Variants in DNAAF10 observed in about 807,000 individuals in gnomAD.
DNAAF10 encodes dynein axonemal assembly factor 10, also known as WD repeat domain 92.
In DNAAF10, 28 loss-of-function variants were observed where a neutral mutation model predicts 43.7. That is an observed-to-expected ratio of 0.64 (90% CI 0.48 to 0.88). The LOEUF is 0.88. Among genes scored for constraint, DNAAF10 ranks in the 40% least tolerant of loss-of-function variants. The probability of loss-of-function intolerance (pLI) is 0.00; values close to 1 mark genes in which losing one functional copy is unlikely to be tolerated. For synonymous variants in DNAAF10, 156 were observed against 157.3 expected (o/e 0.99, Z 0.06); for missense variants, 403 against 439.1 (o/e 0.92, Z 0.73).
Position 68,157,472 on chromosome 2 carries a change from G to A in DNAAF10, c.-29C>T, listed in dbSNP as rs747352739. On this transcript the variant is annotated 5_prime_UTR_variant, in exon 1 of 8. Coordinates refer to ENST00000295121, the MANE Select transcript of DNAAF10 (RefSeq NM_138458.4). ...GCAGCCAATTTCAGCTACGGCAACC[G>A]CCACACCCAGAGCCCCCAAAAACGG... The A allele has an allele frequency of 1.9e-6, 3 of 1,613,908 alleles. No homozygotes were observed. The African/African-American group carries it at 4.0e-5, about 22-fold the overall frequency.
chr2:68,131,561 T>C, intron 7 of DNAAF10, 116 bp from the exon 8 acceptor site: 2 of 955,556 alleles, frequency 2.1e-6, no homozygotes, highest in East Asian at 5.2e-5. Flanking sequence ...TAATAAATAC[T>C]TAAAGAATCT....
chr2:68,153,910 C>T (rs1282660044), intron 1 of DNAAF10, among the ~76,000 whole-genome samples: 5 of 151,580 alleles, frequency 3.3e-5, no homozygotes, highest in Non-Finnish European at 4.4e-5. Context: ...CACCTGACCA[C>T]GCCCAGCTAA....
intron 1 of DNAAF10, among the ~76,000 whole-genome samples, chr2:68,148,718 G>C (rs1673384296): frequency 2.0e-5 from 3 of 152,092 alleles, no homozygotes; most frequent in African/African-American, 7.2e-5. Context: ...CCTCAATGGG[G>C]CAAAACTATT....
chr2:68,134,384 C>T, intron 7 of DNAAF10: 1 of 1,088,496 alleles, frequency 9.2e-7, no homozygotes, highest in Non-Finnish European at 1.1e-6. Context: ...CTTTCCCCAT[C>T]TTTTAGAGGC....
intron 5 of DNAAF10, 26 bp downstream of exon 5, chr2:68,138,715 AC>A (rs1188260444): frequency 1.3e-6 from 2 of 1,540,954 alleles, no homozygotes; most frequent in Non-Finnish European, 1.8e-6. Context: ...GCTCAGAGAA[AC>A]CAAAAAGCCT....
intron 1 of DNAAF10, among the ~76,000 whole-genome samples, chr2:68,152,728 G>C (rs919412280): frequency 6.6e-6 from 1 of 152,012 alleles, no homozygotes; most frequent in African/African-American, 2.4e-5. Flanking sequence ...CATCAATGAT[G>C]GTCATAATTG....
chr2:68,131,170 G>T lies in DNAAF10; in HGVS notation c.*68C>A. ...CCTGACCTTCTGATCCACCCGCCTCGGCCTCCCAAAGTGCTGGGATTACAG... is the reference window on the plus strand; with the variant it reads ...CCTGACCTTCTGATCCACCCGCCTCTGCCTCCCAAAGTGCTGGGATTACAG... On this transcript the variant is annotated 3_prime_UTR_variant, in exon 8 of 8. Transcript: ENST00000295121. The T allele has an allele frequency of 6.6e-7, 1 of 1,514,144 alleles. No individual in the cohort carries two copies. Among genetic ancestry groups the T allele is most frequent in the Non-Finnish European group, 9.2e-7 (1 of 1,092,416 alleles). 93.8% of individuals were successfully genotyped at this position (1,514,144 alleles called of 1,614,324 possible). A position where few individuals can be genotyped will look rare whatever the true frequency, so the allele number is the denominator to read the frequency against.
chr2:68,131,443 T>G lies in DNAAF10; in HGVS notation c.869A>C (p.Glu290Ala), dbSNP rs141028124. The G allele has an allele frequency of 2.1e-5, 34 of 1,613,582 alleles. No homozygotes were observed. Among genetic ancestry groups the G allele is most frequent in the Non-Finnish European group, 2.9e-5 (34 of 1,179,660 alleles). Residue 290 changes from glutamate to alanine, a missense_variant and splice_region_variant, in exon 8 of 8, where the codon GAA becomes GCA. Transcript: ENST00000295121. ...GAGGLHLWKY[E>A]YPIQRSKKDS... ...TTTCTTTGACCGCTGAATAGGGTATTCACTGAAAACAAGATCAAAATGGTA... is the reference window on the plus strand; with the variant it reads ...TTTCTTTGACCGCTGAATAGGGTATGCACTGAAAACAAGATCAAAATGGTA...
At chr2:68,150,473 C>A (rs1673427421) in intron 1 of DNAAF10, among the ~76,000 whole-genome samples, 1 of 152,190 alleles carries the variant, frequency 6.6e-6, no homozygotes, top group Admixed American at 6.5e-5. Flanking sequence ...TGGCTCACGC[C>A]TATAATATCA....
At chr2:68,133,729 G>A (rs1672972333) in intron 7 of DNAAF10, among the ~76,000 whole-genome samples, 1 of 152,148 alleles carries the variant, frequency 6.6e-6, no homozygotes, top group African/African-American at 2.4e-5. Context: ...TCCAGCCTGG[G>A]TGACAGAGCA....
At chr2:68,148,318 C>T (rs114024419) in intron 1 of DNAAF10, among the ~76,000 whole-genome samples, 3,556 of 152,214 alleles carry the variant, frequency 0.023, 123 homozygotes, top group African/African-American at 0.082. Flanking sequence ...ATACAACATT[C>T]AACATTTAAT....
chr2:68,138,618 G>C, intron 5 of DNAAF10, 124 bp downstream of exon 5: 1 of 720,444 alleles, frequency 1.4e-6, no homozygotes, highest in Non-Finnish European at 2.4e-6. Context: ...GCCTCAAAAA[G>C]TTAAGAACCG....
At chr2:68,136,453 A>G (rs1051828020) in intron 6 of DNAAF10, among the ~76,000 whole-genome samples, 17 of 152,206 alleles carry the variant, frequency 1.1e-4, no homozygotes, top group African/African-American at 4.1e-4. Context: ...AATAATTTAC[A>G]CACAATAATA....
intron 5 of DNAAF10, among the ~76,000 whole-genome samples, chr2:68,138,000 C>T (rs1056038074): frequency 6.6e-6 from 1 of 151,510 alleles, no homozygotes; most frequent in African/African-American, 2.4e-5. Flanking sequence ...CGATGAAACC[C>T]CGTCTCTACT....
intron 1 of DNAAF10, among the ~76,000 whole-genome samples, chr2:68,152,676 A>T (rs979443953): frequency 6.6e-6 from 1 of 152,218 alleles, no homozygotes; most frequent in South Asian, 2.1e-4. Flanking sequence ...AAAGAAAATC[A>T]ATATATACTA....
At position 68,131,082 on chromosome 2, in the gene DNAAF10, A is replaced by AT. The variant is rs201681019; in HGVS notation, c.*155dup. 2.2e-3 allele frequency: 1,394 copies of AT among 636,664 alleles called. 11 individuals carry two copies. The highest frequency in any genetic ancestry group is 0.018 in the African/African-American group (965 of 53,444). The allele number at this position is 636,664 out of a possible 1,614,324, so 39.4% of individuals were successfully genotyped here. A position where few individuals can be genotyped will look rare whatever the true frequency, so the allele number is the denominator to read the frequency against. On this transcript the variant is annotated 3_prime_UTR_variant, in exon 8 of 8. Coordinates refer to ENST00000295121, the MANE Select transcript of DNAAF10 (RefSeq NM_138458.4). ...AGATGCCCGCCATGACACCCAGCAA[A>AT]TTTTTTTTTATATTTTTAGTAGAGA...
At chr2:68,136,469 G>A (rs1673047373) in intron 6 of DNAAF10, among the ~76,000 whole-genome samples, 1 of 152,104 alleles carries the variant, frequency 6.6e-6, no homozygotes, top group Non-Finnish European at 1.5e-5. Flanking sequence ...TAATAATAAT[G>A]AGACAAAATA....
At chr2:68,148,158 C>T (rs998436697) in intron 1 of DNAAF10, among the ~76,000 whole-genome samples, 1 of 152,158 alleles carries the variant, frequency 6.6e-6, no homozygotes, top group Non-Finnish European at 1.5e-5. Context: ...AAAACAATCA[C>T]ATACGAATAT....
chr2:68,152,480 A>C (rs1266229277), intron 1 of DNAAF10, among the ~76,000 whole-genome samples: 1 of 152,162 alleles, frequency 6.6e-6, no homozygotes, highest in African/African-American at 2.4e-5. Context: ...ATAATAGCTA[A>C]ATTAAGAGGA....
Sources: allele counts gnomAD v4.1 joint callset (sites outside exome capture counted in the v4.1 genomes callset), GRCh38; gene constraint gnomAD v4.1.1; transcripts MANE v1.5; gene names NCBI Gene and HGNC (gene_info 2026-07-23, HGNC 2026-07-21).